The following ABCB4 variants were observed in gnomAD, a reference collection of about 807,000 sequenced individuals.
ABCB4 encodes the protein ATP binding cassette subfamily B member 4.
In ABCB4, 76 loss-of-function variants were observed where a neutral mutation model predicts 145.7. The ratio of observed to expected loss-of-function variants is 0.52; its 90% confidence interval spans 0.43 to 0.63. The LOEUF is 0.63. Among genes scored for constraint, ABCB4 ranks in the 30% least tolerant of loss-of-function variants. The pLI is 0.00. For synonymous variants in ABCB4, 517 were observed against 566.8 expected (o/e 0.91, Z 1.25); for missense variants, 1,234 against 1,553.1 (o/e 0.79, Z 3.45).
chr7:87,467,684 T>G (rs1813020509), intron 3 of ABCB4, among the ~76,000 whole-genome samples: 1 of 152,198 alleles, frequency 6.6e-6, no homozygotes, highest in Non-Finnish European at 1.5e-5. Context: ...ACAGAAATTA[T>G]AACAAACTGT....
At chr7:87,463,687 G>T (rs1812620783) in intron 3 of ABCB4, among the ~76,000 whole-genome samples, 1 of 152,184 alleles carries the variant, frequency 6.6e-6, no homozygotes, top group Admixed American at 6.5e-5. Flanking sequence ...ACAGTACAAA[G>T]TGTGGGAGAG....
rs1813763030 is a variant in ABCB4, at chr7:87,475,654, G to T, written c.-27C>A. ...CTCACCTCGAACCTCGCGCGTGTCT[G>T]GCAGGGCCTCTGGACGCGCGGGCGC... On this transcript the variant is annotated 5_prime_UTR_variant, in exon 1 of 28. Coordinates refer to ENST00000649586, the MANE Select transcript of ABCB4 (RefSeq NM_000443.4). The T allele has an allele frequency of 3.1e-6, 2 of 641,774 alleles. No homozygotes were observed. The highest frequency in any genetic ancestry group is 5.5e-6 in the Non-Finnish European group (2 of 363,310). 39.8% of individuals were successfully genotyped at this position (641,774 alleles called of 1,614,324 possible). A position where few individuals can be genotyped will look rare whatever the true frequency, so the allele number is the denominator to read the frequency against.
intron 4 of ABCB4, among the ~76,000 whole-genome samples, chr7:87,462,311 T>G (rs561280474): frequency 3.9e-5 from 6 of 152,194 alleles, no homozygotes; most frequent in African/African-American, 1.4e-4. Flanking sequence ...AAAATGGGTA[T>G]AATTTTTTTT....
In ABCB4 at chr7:87,424,024, A is replaced by C; in HGVS notation, c.2093T>G (p.Leu698Arg). ...TGTTTTATTCAGTTTCAGGACCTTC[A>C]GAAAGGACACTGGTGGCACATTTGC... is the stretch of plus-strand genomic sequence containing the variant. ...LEANVPPVSF[L>R]KVLKLNKTEW... is the part of the protein sequence containing the mutation. Residue 698 changes from leucine (L) to arginine (R), a missense_variant, in exon 17 of 28, where the codon CTG becomes CGG. Transcript: ENST00000649586. The C allele has an allele frequency of 6.2e-7, 1 of 1,614,118 alleles. No homozygotes were observed. The highest frequency in any genetic ancestry group is 8.5e-7 in the Non-Finnish European group (1 of 1,179,962).
downstream of ABCB4, chr7:87,398,316 G>A: frequency 1.5e-6 from 1 of 685,676 alleles, no homozygotes; most frequent in Admixed American, 2.0e-5. Flanking sequence ...TTTGTCCCTA[G>A]GTGCTAGTCA....
At chr7:87,433,758 C>T (rs1810414004) in intron 14 of ABCB4, among the ~76,000 whole-genome samples, 1 of 147,690 alleles carries the variant, frequency 6.8e-6, no homozygotes, top group South Asian at 2.2e-4. Flanking sequence ...GATTTAGGGA[C>T]ACCAGCTATT....
At chr7:87,456,135 G>C (rs1812086927) in intron 4 of ABCB4, among the ~76,000 whole-genome samples, 1 of 152,170 alleles carries the variant, frequency 6.6e-6, no homozygotes. Flanking sequence ...ACTAGAGGCA[G>C]GCAAGCTATT....
At chr7:87,394,803 G>A in the ABCB4 span, among the ~76,000 whole-genome samples, 125 of 152,204 alleles carry the variant, frequency 8.2e-4, no homozygotes, top group African/African-American at 2.8e-3. Context: ...ATCTGAAGCT[G>A]GAGAATTTAA....
At chr7:87,468,802 G>C (rs931815170) in intron 3 of ABCB4, among the ~76,000 whole-genome samples, 3 of 151,874 alleles carry the variant, frequency 2.0e-5, no homozygotes, top group Non-Finnish European at 4.4e-5. Flanking sequence ...GTGGTGGTGG[G>C]GACCTGTAGT....
At chr7:87,406,261 T>C (rs1432975998) in intron 26 of ABCB4, 27 bp downstream of exon 26, 1 of 1,607,478 alleles carries the variant, frequency 6.2e-7, no homozygotes, top group Admixed American at 1.7e-5. Context: ...AGTAGTCTCT[T>C]CTGATTTCAG....
At chr7:87,475,198 G>A (rs1813713323) in intron 2 of ABCB4, among the ~76,000 whole-genome samples, 188 bp downstream of exon 2, 1 of 152,228 alleles carries the variant, frequency 6.6e-6, no homozygotes, top group South Asian at 2.1e-4. Flanking sequence ...AGGAGCCTCA[G>A]TGACATTCTT....
chr7:87,423,922 A>T lies in ABCB4; in HGVS notation c.2195T>A (p.Phe732Tyr). The T allele has an allele frequency of 6.2e-7, 1 of 1,614,074 alleles. No homozygotes were observed. Among genetic ancestry groups the T allele is most frequent in the Non-Finnish European group, 8.5e-7 (1 of 1,179,958 alleles). ...GGLQPAFSVI[F>Y]SEIIAIFGPG... ...CAAACTTACCGCTATGATCTCTGAG[A>T]ATATGACTGAAAATGCCGGCTGAAG... is the stretch of plus-strand genomic sequence containing the variant. Residue 732 changes from phenylalanine to tyrosine, a missense_variant, in exon 17 of 28, where the codon TTC becomes TAC. Physicochemically the swap from Phe to Tyr is conservative, Grantham distance 22. This residue lies in a region of ABCB4 where 321 missense variants were observed against 332.6 expected (regional missense o/e 0.97). Transcript: ENST00000649586.
intron 21 of ABCB4, among the ~76,000 whole-genome samples, chr7:87,414,473 T>TTGGAG (rs1470434296): frequency 6.6e-6 from 1 of 152,190 alleles, no homozygotes; most frequent in Non-Finnish European, 1.5e-5. Flanking sequence ...TTCTTGCACT[T>TTGGAG]TGGAGTGTCC....
intron 18 of ABCB4, 59 bp downstream of exon 18, chr7:87,422,057 GTTTAA>G: frequency 2.5e-6 from 3 of 1,197,288 alleles, no homozygotes; most frequent in South Asian, 1.3e-5. Flanking sequence ...GCTCCATTAG[GTTTAA>G]TTTAATTTCT....
intron 4 of ABCB4, among the ~76,000 whole-genome samples, chr7:87,458,480 C>T (rs1384354670): frequency 6.6e-6 from 1 of 152,154 alleles, no homozygotes; most frequent in Admixed American, 6.5e-5. Flanking sequence ...GTCCAAGCAT[C>T]CAACAATTCT....
chr7:87,371,648 C>T, the ABCB4 span, among the ~76,000 whole-genome samples: 3 of 152,252 alleles, frequency 2.0e-5, no homozygotes, highest in Non-Finnish European at 4.4e-5. Flanking sequence ...TATGTGAGGA[C>T]ACCCACTTCT....
At chr7:87,391,725 A>G in the ABCB4 span, 2 of 1,598,462 alleles carry the variant, frequency 1.3e-6, no homozygotes, top group African/African-American at 2.7e-5. Context: ...GAGTATTGGA[A>G]AGGAAAAAAA....
At chr7:87,398,489 T>C, downstream of ABCB4, 1 of 1,611,264 alleles carries the variant, frequency 6.2e-7, no homozygotes, top group Non-Finnish European at 8.5e-7. Flanking sequence ...TTGGAGCCTT[T>C]TGTGTAATCA....
chr7:87,451,146 T>A (rs2116795282), intron 7 of ABCB4, among the ~76,000 whole-genome samples: 1 of 152,068 alleles, frequency 6.6e-6, no homozygotes, highest in East Asian at 1.9e-4. Flanking sequence ...TGAATTTTTT[T>A]TTTTTTTGAG....
Sources: gnomAD v4.1 joint callset for allele counts (sites outside exome capture counted in the v4.1 genomes callset) on GRCh38, gnomAD v4.1.1 for gene constraint, gnomAD v4.1.1 regional missense constraint, MANE v1.5 for transcripts, NCBI Gene and HGNC (gene_info 2026-07-23, HGNC 2026-07-21) for gene names.